Variants in DOCK5 observed in about 807,000 individuals in gnomAD.
The protein encoded by DOCK5 is dedicator of cytokinesis 5, also known as dedicator of cytokinesis protein 5.
A neutral mutation model predicts 251.8 loss-of-function variants in DOCK5; 142 were observed. The observed-to-expected ratio is 0.56, with a 90% CI of 0.49 to 0.65. The LOEUF is 0.65. Ranked by LOEUF, DOCK5 falls within the 30% of genes least tolerant of loss-of-function variation. The probability of loss-of-function intolerance (pLI) is 0.00; values close to 1 mark genes in which losing one functional copy is unlikely to be tolerated. For missense variants in DOCK5, 2,111 were observed against 2,312.3 expected (o/e 0.91, Z 1.79); for synonymous variants, 842 against 835.5 (o/e 1.01, Z -0.13).
At position 25,321,068 on chromosome 8, in the gene DOCK5, T is replaced by C. The variant is rs748735689; in HGVS notation, c.1615+16T>C. The C allele has an allele frequency of 6.2e-7, 1 of 1,609,616 alleles. No homozygotes were observed. The highest frequency in any genetic ancestry group is 1.1e-5 in the South Asian group (1 of 90,566). ...TCTCAGGAAAGTAAGTATTAAGACGTCTATGACATATTTCCACTTAAAAAA... is the reference window on the plus strand; with the variant it reads ...TCTCAGGAAAGTAAGTATTAAGACGCCTATGACATATTTCCACTTAAAAAA... On this transcript the variant is annotated intron_variant, in intron 16 of 51. Transcript: ENST00000276440.
rs768085830 is a variant in DOCK5, at chr8:25,336,374, G to A, written c.2327+1G>A. On this transcript the variant is annotated splice_donor_variant, in intron 22 of 51. Transcript: ENST00000276440. LOFTEE classifies it high-confidence loss of function. ...TCCAATCCCGAGTGCTCTACTTGAG[G>A]TAATGTTAACTGCAGTGAAGATGTT... is the stretch of plus-strand genomic sequence containing the variant. 1.9e-5 allele frequency: 31 copies of A among 1,613,184 alleles called. No homozygotes were observed. The highest frequency in any genetic ancestry group is 2.7e-5 in the African/African-American group (2 of 74,938).
intron 1 of DOCK5, among the ~76,000 whole-genome samples, chr8:25,242,153 TA>T (rs969898022): frequency 2.7e-5 from 4 of 148,696 alleles, no homozygotes; most frequent in South Asian, 2.1e-4. Flanking sequence ...AAAGAATAAT[TA>T]AAAAAAAAAC....
At chr8:25,206,154 C>T (rs376618057) in intron 1 of DOCK5, among the ~76,000 whole-genome samples, 2 of 152,234 alleles carry the variant, frequency 1.3e-5, no homozygotes, top group Admixed American at 6.5e-5. Context: ...CCTGGCACAG[C>T]GTGAGCCCTG....
Position 25,345,565 on chromosome 8 carries a change from C to G in DOCK5, c.2708C>G (p.Ser903Trp), listed in dbSNP as rs754837117. The change falls in exon 26 of 52, where the codon TCG becomes TGG. Residue 903 changes from serine (S) to tryptophan (W), a missense_variant. By Grantham distance (177) the Ser-to-Trp change is radical. Around this residue, in one of 3 missense-constraint regions of DOCK5, gnomAD observed 1,717 missense variants for 1,892.4 expected, o/e 0.91. Transcript: ENST00000276440. ...AACAAGCCTGACCACGAGGCAAGCT[C>G]GCAGCTTCTGAGCAACATCCTGGAG... Reference protein sequence around the residue: ...NSNKPDHEASSQLLSNILEVL... With the variant: ...NSNKPDHEASWQLLSNILEVL... 6 of 1,613,916 alleles carry G rather than the reference C, an allele frequency of 3.7e-6. No individual in the cohort carries two copies. The South Asian group carries it at 6.6e-5, about 18-fold the overall frequency.
chr8:25,214,879 G>C (rs544100278), intron 1 of DOCK5, among the ~76,000 whole-genome samples: 15 of 152,346 alleles, frequency 9.8e-5, no homozygotes, highest in Admixed American at 4.6e-4. Context: ...GGGATGGCTA[G>C]AATCTGTGTC....
intron 2 of DOCK5, among the ~76,000 whole-genome samples, chr8:25,255,304 A>G (rs1803391270): frequency 6.6e-6 from 1 of 152,246 alleles, no homozygotes; most frequent in South Asian, 2.1e-4. Flanking sequence ...GGAGTAAACA[A>G]GATGTTCTTC....
intron 51 of DOCK5, 82 bp from the exon 52 acceptor site, chr8:25,411,112 A>G (rs2117353789): frequency 7.1e-7 from 1 of 1,405,246 alleles, no homozygotes; most frequent in East Asian, 3.0e-5. Context: ...AAGCTAAAGC[A>G]GAATATGAGA....
rs186985279 is a variant in DOCK5 at position 25,248,014 on chromosome 8, A to G, written c.127+4257A>G. Among the ~76,000 whole-genome samples the G allele has an allele frequency of 3.3e-5, 5 of 152,286 alleles. No homozygotes were observed. The East Asian group carries it at 9.7e-4, about 29-fold the overall frequency. On this transcript the variant is annotated intron_variant, in intron 2 of 51. Coordinates refer to ENST00000276440, the MANE Select transcript of DOCK5 (RefSeq NM_024940.8). ...AAGGACGTCAGTGCCTGTTCTTTAA[A>G]AGTAAGCGCATGTCAAGGCGTGAAG...
intron 48 of DOCK5, among the ~76,000 whole-genome samples, chr8:25,406,107 C>T (rs555735731): frequency 1.3e-3 from 198 of 152,172 alleles, no homozygotes; most frequent in Non-Finnish European, 2.2e-3. Flanking sequence ...TACAGGCGCC[C>T]GCCACCATGC....
intron 18 of DOCK5, among the ~76,000 whole-genome samples, chr8:25,327,417 A>G (rs1563203154): frequency 6.6e-6 from 1 of 152,266 alleles, no homozygotes; most frequent in Non-Finnish European, 1.5e-5. Flanking sequence ...CACTTATTGA[A>G]CATCTAGTAG....
At chr8:25,341,891 T>C (rs1453272110) in intron 24 of DOCK5, 82 bp downstream of exon 24, 1 of 1,114,788 alleles carries the variant, frequency 9.0e-7, no homozygotes, top group African/African-American at 1.6e-5. Context: ...CTGCTACACC[T>C]GGCTTTTATT....
chr8:25,191,166 G>C (rs190935895), intron 1 of DOCK5, among the ~76,000 whole-genome samples: 98 of 129,982 alleles, frequency 7.5e-4, no homozygotes, highest in African/African-American at 3.1e-3. Flanking sequence ...CGTTCAGAAT[G>C]GGGGGGGTCC....
intron 26 of DOCK5, among the ~76,000 whole-genome samples, chr8:25,346,324 AAAAT>A (rs1259937637): frequency 1.3e-5 from 2 of 152,054 alleles, no homozygotes; most frequent in African/African-American, 4.8e-5. Flanking sequence ...ATAATAATAA[AAAAT>A]AAAGAATCAA....
At position 25,332,365 on chromosome 8, in the gene DOCK5, A is replaced by G. The variant is rs200769660; in HGVS notation, c.2001+17A>G. 1,326 of 1,584,244 alleles carry G rather than the reference A, an allele frequency of 8.4e-4. 4 individuals carry two copies. Among genetic ancestry groups the G allele is most frequent in the Admixed American group, 3.6e-3 (218 of 59,732 alleles). On this transcript the variant is annotated intron_variant, in intron 19 of 51. Transcript: ENST00000276440. The stretch of plus-strand genomic sequence containing the variant: ...ATTGTTAAGGTATGTTTATATATTC[A>G]TAGTTAGAAATACACATACCTACAT...
At chr8:25,233,763 ATT>A (rs1237362737) in intron 1 of DOCK5, among the ~76,000 whole-genome samples, 3 of 151,656 alleles carry the variant, frequency 2.0e-5, no homozygotes, top group African/African-American at 7.3e-5. Context: ...TTTTTAAAAA[ATT>A]TTGTTTTATT....
chr8:25,348,055 A>G (rs1192751802), intron 26 of DOCK5, among the ~76,000 whole-genome samples: 2 of 152,312 alleles, frequency 1.3e-5, no homozygotes, highest in Non-Finnish European at 2.9e-5. Context: ...AGTAAGTCCA[A>G]TCGTTTTTTG....
At chr8:25,204,476 TG>T (rs1356088474) in intron 1 of DOCK5, among the ~76,000 whole-genome samples, 2 of 152,226 alleles carry the variant, frequency 1.3e-5, no homozygotes, top group Non-Finnish European at 1.5e-5. Flanking sequence ...CAGAGTGTGA[TG>T]AATTTTCAGT....
intron 1 of DOCK5, among the ~76,000 whole-genome samples, chr8:25,208,261 G>T (rs1413494753): frequency 6.6e-6 from 1 of 152,216 alleles, no homozygotes; most frequent in Non-Finnish European, 1.5e-5. Flanking sequence ...GACAACCAAG[G>T]ATTTAGAATA....
chr8:25,359,937 C>T (rs1800646760), intron 28 of DOCK5, among the ~76,000 whole-genome samples: 1 of 152,256 alleles, frequency 6.6e-6, no homozygotes, highest in Non-Finnish European at 1.5e-5. Flanking sequence ...CTTCACGGCA[C>T]CTTCCCTTCA....
Sources: gnomAD v4.1 joint callset for allele counts (sites outside exome capture counted in the v4.1 genomes callset) on GRCh38, gnomAD v4.1.1 for gene constraint, gnomAD v4.1.1 regional missense constraint, MANE v1.5 for transcripts, NCBI Gene and HGNC (gene_info 2026-07-23, HGNC 2026-07-21) for gene names.